APPL2: variants seen among roughly 807,000 people sequenced by gnomAD.
APPL2 encodes the protein DCC-interacting protein 13-beta.
Under a neutral mutation model 92.7 loss-of-function variants are expected in APPL2, and 84 were observed. The observed-to-expected ratio is 0.91, with a 90% CI of 0.76 to 1.09. The LOEUF (loss-of-function observed/expected upper bound fraction) is 1.09. APPL2 is among the 50% of genes least tolerant of loss of function. The probability of loss-of-function intolerance (pLI) is 0.00; values close to 1 mark genes in which losing one functional copy is unlikely to be tolerated. For synonymous variants in APPL2, 291 were observed against 291.0 expected, an observed-to-expected ratio of 1.00 and a Z score of 0.00; for missense variants, 736 against 824.5, an observed-to-expected ratio of 0.89 and a Z score of 1.31.
intron 4 of APPL2, among the ~76,000 whole-genome samples, chr12:105,211,675 C>T (rs1489503508): frequency 6.6e-6 from 1 of 152,198 alleles, no homozygotes; most frequent in African/African-American, 2.4e-5. Flanking sequence ...AGCCAGCTGT[C>T]AGTGCTGTCA....
chr12:105,179,600 A>T (rs796823068), intron 17 of APPL2, among the ~76,000 whole-genome samples: 17 of 152,350 alleles, frequency 1.1e-4, no homozygotes, highest in African/African-American at 3.6e-4. Flanking sequence ...CATTCCCAGC[A>T]GTATAAAAGC....
At chr12:105,195,161 A>C (rs893191071) in intron 14 of APPL2, 100 bp downstream of exon 14, 2 of 1,208,426 alleles carry the variant, frequency 1.7e-6, no homozygotes, top group African/African-American at 3.0e-5. Flanking sequence ...CAGGCTGAAA[A>C]ACATGCCTTG....
At chr12:105,219,813 C>T (rs1020087170) in intron 2 of APPL2, among the ~76,000 whole-genome samples, 1 of 152,226 alleles carries the variant, frequency 6.6e-6, no homozygotes, top group African/African-American at 2.4e-5. Flanking sequence ...GACTGAAAAT[C>T]TCGTGCTCCT....
chr12:105,219,575 G>A (rs1407730006), intron 2 of APPL2, among the ~76,000 whole-genome samples: 1 of 152,216 alleles, frequency 6.6e-6, no homozygotes, highest in Non-Finnish European at 1.5e-5. Flanking sequence ...GAATGAACAA[G>A]ATTAGAAGAT....
intron 1 of APPL2, among the ~76,000 whole-genome samples, 156 bp downstream of exon 1, chr12:105,235,803 C>G (rs550447880): frequency 3.3e-5 from 5 of 152,078 alleles, no homozygotes; most frequent in African/African-American, 9.7e-5. Context: ...GGCCCGCCCC[C>G]TCCTCAGCCC....
rs1390828061 is a variant in APPL2, at chr12:105,174,375, T to TC, written c.1933dup (p.Asp645GlyfsTer5). 4 of 1,613,938 alleles carry TC rather than the reference T, an allele frequency of 2.5e-6. No homozygotes were observed. In the East Asian group the frequency reaches 6.7e-5, roughly 27 times the overall value. The stretch of plus-strand genomic sequence containing the variant: ...ATTTCCATCATCGTCATCTGGTTGA[T>TC]CGTTTAACAGTACATATTTTCCGTC... On this transcript the variant is annotated frameshift_variant, in exon 21 of 21. Transcript: ENST00000258530. LOFTEE classifies it high-confidence loss of function.
At chr12:105,201,473 G>A (rs1888197599) in intron 9 of APPL2, among the ~76,000 whole-genome samples, 1 of 152,094 alleles carries the variant, frequency 6.6e-6, no homozygotes, top group African/African-American at 2.4e-5. Flanking sequence ...AAACCTCTTT[G>A]AAGATGTGAT....
At chr12:105,179,853 T>C (rs1885937954) in intron 17 of APPL2, among the ~76,000 whole-genome samples, 1 of 152,216 alleles carries the variant, frequency 6.6e-6, no homozygotes, top group South Asian at 2.1e-4. Context: ...TTTAAGTTCT[T>C]TGTAGATTCT....
intron 1 of APPL2, chr12:105,229,652 C>CT: frequency 2.0e-6 from 2 of 990,512 alleles, no homozygotes; most frequent in Non-Finnish European, 2.4e-6. Flanking sequence ...TCTAGCACAG[C>CT]TGTAGTGTGA....
chr12:105,217,281 G>T, intron 3 of APPL2, 141 bp from the exon 4 acceptor site: 1 of 607,520 alleles, frequency 1.6e-6, no homozygotes. Flanking sequence ...TCTACCTGAA[G>T]AGGGAGTCAC....
intron 17 of APPL2, among the ~76,000 whole-genome samples, chr12:105,179,970 A>C (rs953951831): frequency 6.6e-6 from 1 of 152,124 alleles, no homozygotes; most frequent in African/African-American, 2.4e-5. Flanking sequence ...GAAGCTCTTT[A>C]GTTTAATTAG....
rs1885220077 is a variant in APPL2, at chr12:105,173,878, C to T, written c.*436G>A. On this transcript the variant is annotated 3_prime_UTR_variant, in exon 21 of 21. Coordinates refer to ENST00000258530, the MANE Select transcript of APPL2 (RefSeq NM_018171.5). ...AATACACAATTTTCAGAACGACAGG[C>T]ACTTAAAGCTCATTAAGTAAAATAC... 1 of 152,470 alleles carries T rather than the reference C, an allele frequency of 6.6e-6. No individual in the cohort carries two copies. The highest frequency in any genetic ancestry group is 1.5e-5 in the Non-Finnish European group (1 of 68,392). The allele number at this position is 152,470 out of a possible 1,614,324, so 9.4% of individuals were successfully genotyped here. A position where few individuals can be genotyped will look rare whatever the true frequency, so the allele number is the denominator to read the frequency against.
intron 17 of APPL2, among the ~76,000 whole-genome samples, chr12:105,182,357 A>G (rs950406713): frequency 6.6e-6 from 1 of 152,228 alleles, no homozygotes; most frequent in South Asian, 2.1e-4. Flanking sequence ...TGATGTTAGG[A>G]TGTCAATTTT....
chr12:105,210,671 A>C (rs1402640204), intron 5 of APPL2, among the ~76,000 whole-genome samples: 1 of 152,238 alleles, frequency 6.6e-6, no homozygotes, highest in African/African-American at 2.4e-5. Flanking sequence ...TTTCTGACTG[A>C]CTCACAGATT....
intron 1 of APPL2, 145 bp downstream of exon 1, chr12:105,235,814 G>T: frequency 1.9e-6 from 1 of 540,010 alleles, no homozygotes; most frequent in Non-Finnish European, 2.7e-6. Context: ...TCCTCAGCCC[G>T]AGAGAACCCG....
At chr12:105,228,132 A>G (rs968427788) in intron 2 of APPL2, among the ~76,000 whole-genome samples, 6 of 152,226 alleles carry the variant, frequency 3.9e-5, no homozygotes, top group Non-Finnish European at 7.3e-5. Context: ...TGGTGAACCT[A>G]TGTAATAAGA....
intron 9 of APPL2, among the ~76,000 whole-genome samples, chr12:105,200,864 G>GTATGTATGTATGTATC (rs757298388): frequency 3.4e-4 from 46 of 135,066 alleles, no homozygotes; most frequent in African/African-American, 1.0e-3. Flanking sequence ...ATGTATGTAT[G>GTATGTATGTATGTATC]TATCTATCTA....
Position 105,176,992 on chromosome 12 carries a change from A to G in APPL2, c.1696T>C (p.Phe566Leu), listed in dbSNP as rs747203652. The G allele has an allele frequency of 1.9e-6, 3 of 1,614,104 alleles. No homozygotes were observed. The Admixed American group carries it at 5.0e-5, about 27-fold the overall frequency. The change falls in exon 19 of 21, where the codon TTT becomes CTT. Residue 566 changes from phenylalanine (F) to leucine (L), a missense_variant. Physicochemically the swap from Phe to Leu is conservative, Grantham distance 22. Coordinates refer to ENST00000258530, the MANE Select transcript of APPL2 (RefSeq NM_018171.5). ...CTCTTGTTTTCTTGATGAGCAGCAA[A>G]TTGTGTGACACTGGTAAGTTCAAAC... ...ANFELTSVTQ[F>L]AAHQENKRLV...
intron 2 of APPL2, among the ~76,000 whole-genome samples, chr12:105,221,833 T>C (rs1890122675): frequency 6.6e-6 from 1 of 152,202 alleles, no homozygotes; most frequent in African/African-American, 2.4e-5. Flanking sequence ...CTAGCAAGCC[T>C]GAAAGGAAAA....
Sources: gnomAD v4.1 joint callset for allele counts (sites outside exome capture counted in the v4.1 genomes callset) on GRCh38, gnomAD v4.1.1 for gene constraint, MANE v1.5 for transcripts, NCBI Gene and HGNC (gene_info 2026-07-23, HGNC 2026-07-21) for gene names.